ADGRV1: variants seen among roughly 807,000 people sequenced by gnomAD.
ADGRV1 encodes G-protein coupled receptor 98.
A neutral mutation model predicts 596.2 loss-of-function variants in ADGRV1; 359 were observed. That is an observed-to-expected ratio of 0.60 (90% CI 0.55 to 0.66). The LOEUF (loss-of-function observed/expected upper bound fraction) is 0.66, where lower values mean the gene tolerates loss of function less well. Ranked by LOEUF, ADGRV1 falls within the 30% of genes least tolerant of loss-of-function variation. ADGRV1 has a pLI of 0.00. For synonymous variants in ADGRV1, 2,681 were observed against 2,679.2 expected (o/e 1.00, Z -0.02); for missense variants, 7,274 against 7,575.6 (o/e 0.96, Z 1.48).
intron 1 of ADGRV1, 40 bp from the exon 2 acceptor site, chr5:90,614,795 G>T (rs1468396512): frequency 1.5e-6 from 2 of 1,342,112 alleles, no homozygotes; most frequent in Non-Finnish European, 2.1e-6. Context: ...GAATAGATTA[G>T]ATATATTTTG....
chr5:90,996,812 T>C (rs557201283), intron 85 of ADGRV1, among the ~76,000 whole-genome samples: 4 of 152,310 alleles, frequency 2.6e-5, no homozygotes, highest in African/African-American at 9.6e-5. Flanking sequence ...CTAGTGTCAG[T>C]GTGGCCTGGA....
Position 90,967,662 on chromosome 5 carries a change from G to A in ADGRV1, c.17973+2131G>A, listed in dbSNP as rs188453347. The stretch of plus-strand genomic sequence containing the variant: ...AAATTGCTTATCAGATATGTACGTG[G>A]TACAGAACTGAAAGGACAGCTGCAA... On this transcript the variant is annotated intron_variant, in intron 84 of 89. Transcript: ENST00000405460. Among the ~76,000 whole-genome samples the A allele has an allele frequency of 2.5e-3, 377 of 152,182 alleles. 5 individuals carry two copies. Among genetic ancestry groups the A allele is most frequent in the South Asian group, 0.02 (97 of 4,822 alleles).
chr5:90,975,163 A>C (rs1186414613), intron 84 of ADGRV1, among the ~76,000 whole-genome samples: 1 of 151,702 alleles, frequency 6.6e-6, no homozygotes, highest in Admixed American at 6.6e-5. Context: ...ACCATCTCAC[A>C]CCAGTTAGAA....
chr5:90,828,864 C>T, intron 76 of ADGRV1, 80 bp from the exon 77 acceptor site: 3 of 828,330 alleles, frequency 3.6e-6, no homozygotes, highest in Non-Finnish European at 5.1e-6. Flanking sequence ...ATGAATTATA[C>T]AATATTTAAA....
At chr5:90,926,253 A>G (rs1424214035) in intron 83 of ADGRV1, among the ~76,000 whole-genome samples, 2 of 152,058 alleles carry the variant, frequency 1.3e-5, no homozygotes, top group African/African-American at 4.8e-5. Flanking sequence ...CTGTGAATCC[A>G]TCTGGTCCTG....
chr5:90,574,276 C>T (rs1756925905), intron 1 of ADGRV1, among the ~76,000 whole-genome samples: 1 of 151,594 alleles, frequency 6.6e-6, no homozygotes, highest in Admixed American at 6.6e-5. Context: ...GATATTGTTT[C>T]TTTCAATCCA....
At chr5:90,997,272 G>T (rs956551471) in intron 85 of ADGRV1, among the ~76,000 whole-genome samples, 5 of 152,134 alleles carry the variant, frequency 3.3e-5, no homozygotes, top group Non-Finnish European at 5.9e-5. Context: ...TGGATTATGG[G>T]AGTGGTTTCT....
intron 29 of ADGRV1, among the ~76,000 whole-genome samples, chr5:90,686,612 C>T (rs1745685929): frequency 6.6e-6 from 1 of 152,086 alleles, no homozygotes; most frequent in South Asian, 2.1e-4. Context: ...TCCAGTCTAT[C>T]ATTGTTGGAC....
intron 1 of ADGRV1, 43 bp downstream of exon 1, chr5:90,558,960 C>T (rs754970339): frequency 9.1e-6 from 14 of 1,530,458 alleles, no homozygotes; most frequent in Non-Finnish European, 1.2e-5. Flanking sequence ...ATCGCTGAGC[C>T]CCAGGGGAGC....
chr5:90,736,052 A>G (rs2460180), intron 50 of ADGRV1, among the ~76,000 whole-genome samples: 6 of 152,120 alleles, frequency 3.9e-5, no homozygotes, highest in Non-Finnish European at 5.9e-5. Context: ...TGTCTTGGCC[A>G]GGATCTTGGA....
At chr5:90,971,048 C>T (rs1458486979) in intron 84 of ADGRV1, among the ~76,000 whole-genome samples, 9 of 152,130 alleles carry the variant, frequency 5.9e-5, no homozygotes, top group Admixed American at 6.5e-5. Flanking sequence ...ACAAGAACTA[C>T]GTGATGAATG....
At chr5:90,677,950 A>G (rs1744455186) in intron 25 of ADGRV1, among the ~76,000 whole-genome samples, 1 of 152,194 alleles carries the variant, frequency 6.6e-6, no homozygotes, top group Non-Finnish European at 1.5e-5. Flanking sequence ...TGACTATAAA[A>G]CTGATGAAAC....
At chr5:90,970,668 C>G (rs1346971015) in intron 84 of ADGRV1, among the ~76,000 whole-genome samples, 1 of 152,044 alleles carries the variant, frequency 6.6e-6, no homozygotes, top group Non-Finnish European at 1.5e-5. Flanking sequence ...GGAAAACTGA[C>G]AAATAGAAAG....
chr5:90,823,620 G>T, intron 76 of ADGRV1, 24 bp downstream of exon 76: 4 of 1,585,260 alleles, frequency 2.5e-6, no homozygotes, highest in Non-Finnish European at 3.5e-6. Flanking sequence ...AGACACACTA[G>T]TGTCAACTTC....
At chr5:90,706,835 T>A (rs1238709539) in intron 38 of ADGRV1, among the ~76,000 whole-genome samples, 2 of 151,988 alleles carry the variant, frequency 1.3e-5, no homozygotes, top group Non-Finnish European at 2.9e-5. Flanking sequence ...CCCCTGCTGG[T>A]ACCTTTAAAT....
chr5:90,778,833 C>A, intron 63 of ADGRV1, 32 bp from the exon 64 acceptor site: 1 of 1,547,798 alleles, frequency 6.5e-7, no homozygotes, highest in Non-Finnish European at 8.9e-7. Flanking sequence ...GATTAAACAT[C>A]CAAATCAAAT....
intron 1 of ADGRV1, among the ~76,000 whole-genome samples, chr5:90,580,528 G>T (rs1306075345): frequency 6.9e-6 from 1 of 145,874 alleles, no homozygotes; most frequent in Non-Finnish European, 1.5e-5. Flanking sequence ...TTGTCTTCCC[G>T]CTTTCTCCTT....
At chr5:90,779,156 T>C (rs2150082735) in intron 64 of ADGRV1, 59 bp downstream of exon 64, 2 of 1,005,216 alleles carry the variant, frequency 2.0e-6, no homozygotes, top group South Asian at 1.5e-5. Flanking sequence ...AGAGAGAAAG[T>C]TCTATTGTGT....
At chr5:90,622,148 C>T (rs1764166678) in intron 4 of ADGRV1, among the ~76,000 whole-genome samples, 1 of 152,160 alleles carries the variant, frequency 6.6e-6, no homozygotes, top group African/African-American at 2.4e-5. Flanking sequence ...AAGTTATTAG[C>T]AGTGTCTGCT....
Sources: allele counts gnomAD v4.1 joint callset (sites outside exome capture counted in the v4.1 genomes callset), GRCh38; gene constraint gnomAD v4.1.1; transcripts MANE v1.5; gene names NCBI Gene and HGNC (gene_info 2026-07-23, HGNC 2026-07-21).